The following ALS2 variants were observed in gnomAD, a reference collection of about 807,000 sequenced individuals.
ALS2 encodes alsin Rho guanine nucleotide exchange factor ALS2, also known as alsin.
Under a neutral mutation model 203.4 loss-of-function variants are expected in ALS2, and 117 were observed. That is an observed-to-expected ratio of 0.58 (90% CI 0.50 to 0.67). The LOEUF (loss-of-function observed/expected upper bound fraction) is 0.67. Ranked by LOEUF, ALS2 falls within the 30% of genes least tolerant of loss-of-function variation. ALS2 has a pLI of 0.00. For missense variants in ALS2, 1,715 were observed against 1,989.4 expected (o/e 0.86, Z 2.62); for synonymous variants, 718 against 725.9 (o/e 0.99, Z 0.17).
At chr2:201,710,475 T>C (rs1689970342) in intron 26 of ALS2, among the ~76,000 whole-genome samples, 1 of 151,616 alleles carries the variant, frequency 6.6e-6, no homozygotes, top group African/African-American at 2.4e-5. Flanking sequence ...GATTCAAATA[T>C]ACTTTAAACT....
intron 16 of ALS2, 126 bp downstream of exon 16, chr2:201,727,575 AGAGG>A: frequency 1.2e-6 from 1 of 812,668 alleles, no homozygotes; most frequent in Admixed American, 2.2e-5. Flanking sequence ...TAATGTGCTG[AGAGG>A]TGGGCCTCAT....
At position 201,726,818 on chromosome 2, in the gene ALS2, C is replaced by T. The variant is rs1170340398; in HGVS notation, c.3028G>A (p.Gly1010Arg). The T allele has an allele frequency of 1.2e-6, 2 of 1,614,156 alleles. No individual in the cohort carries two copies. The highest frequency in any genetic ancestry group is 1.1e-5 in the South Asian group (1 of 91,080). ...CCATAAGGGGGGAGATCAGACATCC[C>T]TCTCAAAGCCTGATCTACGGCTTGG... is the stretch of plus-strand genomic sequence containing the variant. Reference protein sequence around the residue: ...ISQAVDQALRGMSDLPPYGSG... With the variant: ...ISQAVDQALRRMSDLPPYGSG... Residue 1010 changes from glycine (G) to arginine (R), a missense_variant, in exon 18 of 34, where the codon GGG becomes AGG. This residue lies in a region of ALS2 where 1,227 missense variants were observed against 1,413.5 expected (regional missense o/e 0.87). Coordinates refer to ENST00000264276, the MANE Select transcript of ALS2 (RefSeq NM_020919.4).
chr2:201,739,900 C>T (rs888694975), intron 11 of ALS2, among the ~76,000 whole-genome samples: 2 of 152,174 alleles, frequency 1.3e-5, no homozygotes, highest in South Asian at 2.1e-4. Flanking sequence ...CTTGTACACA[C>T]TTGGGCTGGC....
chr2:201,767,271 G>A lies in ALS2; in HGVS notation c.133C>T (p.Gln45Ter). The A allele has an allele frequency of 6.2e-7, 1 of 1,614,042 alleles. No individual in the cohort carries two copies. ...LPGWGGKTVL[Q>*]AALGVKHGVL... ...CCATGTTTCACTCCGAGGGCTGCCT[G>A]CAAAACAGTCTTTCCTCCCCAGCCT... The change falls in exon 3 of 34, where the codon CAG becomes TAG. Residue 45 changes from glutamine to a stop codon, truncating the protein, a stop_gained. Coordinates refer to ENST00000264276, the MANE Select transcript of ALS2 (RefSeq NM_020919.4). LOFTEE classifies it high-confidence loss of function.
intron 13 of ALS2, among the ~76,000 whole-genome samples, chr2:201,730,361 C>CT (rs1454134262): frequency 6.6e-6 from 1 of 152,058 alleles, no homozygotes; most frequent in Non-Finnish European, 1.5e-5. Context: ...ATGTTGATAC[C>CT]TTTTTTTCTA....
At position 201,723,403 on chromosome 2, in the gene ALS2, C is replaced by T. The variant is rs1690941595; in HGVS notation, c.3551G>A (p.Cys1184Tyr). 1.2e-6 allele frequency: 2 copies of T among 1,614,104 alleles called. No homozygotes were observed. Among genetic ancestry groups the T allele is most frequent in the Admixed American group, 1.7e-5 (1 of 60,014 alleles). ...KYMGMWQDDV[C>Y]QGNGVVVTQF... The stretch of plus-strand genomic sequence containing the variant: ...GGTAACCACCACACCATTCCCTTGA[C>T]ACACATCATCTTGCCACATTCCCAT... The change falls in exon 22 of 34, where the codon TGT (cysteine) becomes TAT (tyrosine). Residue 1184 changes from cysteine (C) to tyrosine (Y), a missense_variant. Physicochemically the swap from Cys to Tyr is radical, Grantham distance 194. This residue lies in a region of ALS2 where 1,227 missense variants were observed against 1,413.5 expected (regional missense o/e 0.87). Transcript: ENST00000264276.
intron 12 of ALS2, among the ~76,000 whole-genome samples, chr2:201,733,707 T>C (rs1179976177): frequency 1.3e-5 from 2 of 152,114 alleles, no homozygotes; most frequent in Non-Finnish European, 2.9e-5. Flanking sequence ...GAATCATGCA[T>C]CCAACAATTT....
Position 201,737,849 on chromosome 2 carries a change from G to A in ALS2, c.2417+821C>T, listed in dbSNP as rs139738713. Among the ~76,000 whole-genome samples the A allele has an allele frequency of 5.9e-4, 89 of 152,084 alleles. 1 individual carries two copies. In the South Asian group the frequency reaches 0.015, roughly 25 times the overall value. On this transcript the variant is annotated intron_variant, in intron 12 of 33. Coordinates refer to ENST00000264276, the MANE Select transcript of ALS2 (RefSeq NM_020919.4). ...AGGCAGGAGAATTGCTTGAACCCAG[G>A]AGGCAGATGTTGCAGTGAGCCAAGA...
chr2:201,772,986 C>T (rs865879101), intron 1 of ALS2, among the ~76,000 whole-genome samples: 72 of 151,408 alleles, frequency 4.8e-4, no homozygotes, highest in South Asian at 4.2e-4. Context: ...CTCAGCCTCC[C>T]GAGTAGCTGG....
intron 3 of ALS2, among the ~76,000 whole-genome samples, chr2:201,762,044 CA>C (rs1456611207): frequency 6.6e-6 from 1 of 152,176 alleles, no homozygotes; most frequent in African/African-American, 2.4e-5. Context: ...AGAATTTCTA[CA>C]AAGTGCAGGA....
At chr2:201,733,652 A>G (rs1389384382) in intron 12 of ALS2, among the ~76,000 whole-genome samples, 1 of 152,244 alleles carries the variant, frequency 6.6e-6, no homozygotes. Context: ...AAATGGTAGC[A>G]ATACAAACGG....
At chr2:201,721,629 G>C (rs186944863) in intron 23 of ALS2, among the ~76,000 whole-genome samples, 11 of 152,178 alleles carry the variant, frequency 7.2e-5, no homozygotes, top group African/African-American at 2.6e-4. Flanking sequence ...ATCTTAAAAT[G>C]AATCACAGAC....
chr2:201,723,981 G>T (rs1336072508), intron 21 of ALS2, among the ~76,000 whole-genome samples: 3 of 152,114 alleles, frequency 2.0e-5, no homozygotes, highest in Non-Finnish European at 4.4e-5. Context: ...AACTGGGCGT[G>T]GTGGTGTGTG....
In ALS2 at chr2:201,700,399, T is replaced by A. The variant is rs1466481800; in HGVS notation, c.*1452A>T. ...TATAACTATTGGTTTACGTTTATTT[T>A]AAAGACAGAGATTTCTAAAACCCCA... On this transcript the variant is annotated 3_prime_UTR_variant, in exon 34 of 34. Transcript: ENST00000264276. Among the ~76,000 whole-genome samples, 1 of 152,208 alleles carries A rather than the reference T, an allele frequency of 6.6e-6. No homozygotes were observed. The highest frequency in any genetic ancestry group is 2.4e-5 in the African/African-American group (1 of 41,454).
intron 3 of ALS2, chr2:201,762,620 TCA>T (rs1424281672): frequency 6.6e-6 from 1 of 152,224 alleles, no homozygotes; most frequent in Non-Finnish European, 1.5e-5. Flanking sequence ...ATTTTAGATT[TCA>T]GATTTTTTAA....
chr2:201,746,483 A>T, intron 9 of ALS2, 83 bp downstream of exon 9: 1 of 1,474,240 alleles, frequency 6.8e-7, no homozygotes, highest in Non-Finnish European at 9.5e-7. Context: ...ACTAATAATT[A>T]GCCATACATA....
chr2:201,729,235 A>T (rs1283491813), intron 13 of ALS2, 52 bp from the exon 14 acceptor site: 2 of 1,584,354 alleles, frequency 1.3e-6, no homozygotes, highest in Non-Finnish European at 8.6e-7. Context: ...TAAAACCATT[A>T]TGCAGAATCT....
At chr2:201,778,792 A>G (rs1694769378) in intron 1 of ALS2, among the ~76,000 whole-genome samples, 1 of 152,188 alleles carries the variant, frequency 6.6e-6, no homozygotes, top group African/African-American at 2.4e-5. Context: ...AAAGAGCTAA[A>G]TGATTTAAAA....
intron 25 of ALS2, 25 bp from the exon 26 acceptor site, chr2:201,711,133 G>A (rs559840912): frequency 3.6e-6 from 5 of 1,396,544 alleles, no homozygotes; most frequent in Non-Finnish European, 5.1e-6. Context: ...AGAAAAGTCT[G>A]TTGTATTTCA....
Sources: allele counts gnomAD v4.1 joint callset (sites outside exome capture counted in the v4.1 genomes callset), GRCh38; gene constraint gnomAD v4.1.1; regional missense constraint gnomAD v4.1.1; transcripts MANE v1.5; gene names NCBI Gene and HGNC (gene_info 2026-07-23, HGNC 2026-07-21).